TCF4: variants seen among roughly 807,000 people sequenced by gnomAD.
TCF4 encodes the protein SL3-3 enhancer factor 2.
TCF4 carries 3 observed loss-of-function variants against 82.1 expected under a neutral mutation model. That is an observed-to-expected ratio of 0.04 (90% CI 0.02 to 0.09). TCF4 has a LOEUF of 0.09. Among genes scored for constraint, TCF4 ranks in the 10% least tolerant of loss-of-function variants. TCF4 has a pLI of 1.00. For synonymous variants in TCF4, 276 were observed against 309.6 expected (o/e 0.89, Z 1.14); for missense variants, 518 against 852.7 (o/e 0.61, Z 4.89).
chr18:55,400,731 A>G (rs1156631505), intron 6 of TCF4: 1 of 237,254 alleles, frequency 4.2e-6, no homozygotes, highest in East Asian at 9.2e-5. Context: ...ACGTCTCACA[A>G]TAATAATGTA....
chr18:55,635,911 T>C lies in TCF4; in HGVS notation c.-14A>G, dbSNP rs9955956. ...TTTAGAAAACATGGTGTTGTTCCTT[T>C]GGCCGCATAAGTGCCAATCTACAAG... On this transcript the variant is annotated 5_prime_UTR_variant, in exon 1 of 21. Coordinates refer to the TCF4 transcript ENST00000398339. 10,200 of 1,572,624 alleles carry C rather than the reference T, an allele frequency of 6.5e-3. 453 individuals carry two copies. The African/African-American group carries it at 0.11, about 17-fold the overall frequency.
intron 6 of TCF4, among the ~76,000 whole-genome samples, chr18:55,383,371 T>C (rs1310541305): frequency 6.6e-6 from 1 of 152,192 alleles, no homozygotes; most frequent in Non-Finnish European, 1.5e-5. Flanking sequence ...AAATCAAATG[T>C]TCAAATAAAT....
chr18:55,443,494 G>A (rs1446128652), intron 5 of TCF4, among the ~76,000 whole-genome samples: 1 of 152,192 alleles, frequency 6.6e-6, no homozygotes, highest in East Asian at 1.9e-4. Context: ...AAAATTAGGT[G>A]TAGGTAAAGA....
At chr18:55,368,441 G>C (rs570691920) in intron 6 of TCF4, among the ~76,000 whole-genome samples, 81 of 152,278 alleles carry the variant, frequency 5.3e-4, no homozygotes, top group African/African-American at 1.9e-3. Flanking sequence ...TGTTATGTTA[G>C]TCTCATTCTC....
At position 55,426,427 on chromosome 18, in the gene TCF4, G is replaced by C. The variant is rs551442052; in HGVS notation, c.305-22909C>G. ...AAATTTAAGTCAATACCCACAAAAA[G>C]AGTGAACTTTGGGCAAGCACACCCT... On this transcript the variant is annotated intron_variant, in intron 5 of 19. Coordinates refer to ENST00000354452, the MANE Select transcript of TCF4 (RefSeq NM_001083962.2). Among the ~76,000 whole-genome samples the C allele has an allele frequency of 4.6e-4, 70 of 152,246 alleles. 1 individual carries two copies. The South Asian group carries it at 0.014, about 30-fold the overall frequency.
intron 3 of TCF4, chr18:55,469,644 T>G (rs1365608356): frequency 6.6e-6 from 1 of 152,182 alleles, no homozygotes; most frequent in East Asian, 1.9e-4. Context: ...CACTTTGCTC[T>G]TGTGGTCAGC....
chr18:55,617,647 T>C (rs987014017), intron 2 of TCF4, among the ~76,000 whole-genome samples: 2 of 152,138 alleles, frequency 1.3e-5, no homozygotes, highest in African/African-American at 4.8e-5. Flanking sequence ...AGTCTGTCAC[T>C]TCCTTGGTTA....
chr18:55,402,616 A>C (rs1316266113), intron 6 of TCF4, among the ~76,000 whole-genome samples: 1 of 152,092 alleles, frequency 6.6e-6, no homozygotes, highest in Non-Finnish European at 1.5e-5. Context: ...TGCACTTATA[A>C]AAAGGAAGTA....
At chr18:55,269,690 G>C in intron 11 of TCF4, 141 bp downstream of exon 11, 2 of 1,119,520 alleles carry the variant, frequency 1.8e-6, no homozygotes, top group African/African-American at 3.1e-5. Context: ...CTTCTGTTTG[G>C]TACATTTGTG....
intron 3 of TCF4, among the ~76,000 whole-genome samples, chr18:55,480,627 T>C (rs1214132790): frequency 6.6e-6 from 1 of 152,194 alleles, no homozygotes; most frequent in East Asian, 1.9e-4. Flanking sequence ...CTGCTACACC[T>C]CAACATTTTT....
At chr18:55,353,452 TTCC>T (rs1196466898) in intron 6 of TCF4, among the ~76,000 whole-genome samples, 1 of 152,202 alleles carries the variant, frequency 6.6e-6, no homozygotes, top group Admixed American at 6.5e-5. Flanking sequence ...ACAAAGCACA[TTCC>T]TGTTTCTTTC....
intron 14 of TCF4, among the ~76,000 whole-genome samples, chr18:55,255,893 T>C (rs1275190252): frequency 1.3e-5 from 2 of 152,192 alleles, no homozygotes; most frequent in Non-Finnish European, 2.9e-5. Context: ...CTCTATTGCA[T>C]GAGAAAAAAC....
At chr18:55,353,263 G>C (rs1456585198) in intron 6 of TCF4, among the ~76,000 whole-genome samples, 1 of 152,172 alleles carries the variant, frequency 6.6e-6, no homozygotes, top group Non-Finnish European at 1.5e-5. Flanking sequence ...AACAGCTACA[G>C]GCTGTGGTTG....
At chr18:55,300,980 C>T (rs1309791846) in intron 8 of TCF4, among the ~76,000 whole-genome samples, 1 of 152,098 alleles carries the variant, frequency 6.6e-6, no homozygotes, top group Non-Finnish European at 1.5e-5. Context: ...AGGTGTGAAG[C>T]AGATCACAGG....
At chr18:55,427,910 C>T (rs1464462149) in intron 5 of TCF4, among the ~76,000 whole-genome samples, 1 of 152,208 alleles carries the variant, frequency 6.6e-6, no homozygotes, top group Non-Finnish European at 1.5e-5. Flanking sequence ...GTGTAATTTA[C>T]ATGGGATTTT....
At chr18:55,304,447 G>T (rs145689085) in intron 8 of TCF4, among the ~76,000 whole-genome samples, 2 of 152,140 alleles carry the variant, frequency 1.3e-5, no homozygotes, top group Non-Finnish European at 2.9e-5. Context: ...TTTGCTAAAG[G>T]TATGCTAAAC....
intron 3 of TCF4, among the ~76,000 whole-genome samples, chr18:55,569,551 TA>T (rs993600108): frequency 1.3e-5 from 2 of 151,104 alleles, no homozygotes; most frequent in Non-Finnish European, 3.0e-5. Context: ...TCTCTAAAAA[TA>T]AAAAATAAAT....
chr18:55,244,880 T>C lies in TCF4; in HGVS notation c.1350+9617A>G, dbSNP rs148691096. Among the ~76,000 whole-genome samples, 410 of 152,294 alleles carry C rather than the reference T, an allele frequency of 2.7e-3. 2 individuals are homozygous for C. Among genetic ancestry groups the C allele is most frequent in the African/African-American group, 9.0e-3 (376 of 41,566 alleles). ...GTGCAGAAGCCAGGGAGAAGGCAAA[T>C]GTGAAATTAAAATGTGGAAACTCAA... On this transcript the variant is annotated intron_variant, in intron 15 of 19. Transcript: ENST00000354452.
chr18:55,256,309 T>G (rs544442898), intron 14 of TCF4, among the ~76,000 whole-genome samples: 2 of 152,136 alleles, frequency 1.3e-5, no homozygotes, highest in African/African-American at 4.8e-5. Context: ...CTGGTTTTGA[T>G]GAATAGGCCC....
Sources: gnomAD v4.1 joint callset for allele counts (sites outside exome capture counted in the v4.1 genomes callset) on GRCh38, gnomAD v4.1.1 for gene constraint, MANE v1.5 for transcripts, NCBI Gene and HGNC (gene_info 2026-07-23, HGNC 2026-07-21) for gene names.